Variants in LRRC9 observed in about 807,000 individuals in gnomAD.
LRRC9 encodes the protein leucine rich repeat containing 9, also known as leucine-rich repeat-containing protein 9.
In LRRC9, 122 loss-of-function variants were observed where a neutral mutation model predicts 63.2. That is an observed-to-expected ratio of 1.93 (90% CI 1.67 to 2.24). The LOEUF is 2.24. LRRC9 is among the 30% of genes most tolerant of loss of function. The pLI is 0.00. For synonymous variants in LRRC9, 366 were observed against 213.1 expected, an observed-to-expected ratio of 1.72 and a Z score of -6.25; for missense variants, 1,071 against 627.7, an observed-to-expected ratio of 1.71 and a Z score of -7.55.
At chr14:60,002,802 C>G (rs1000287838) in intron 20 of LRRC9, among the ~76,000 whole-genome samples, 3 of 152,036 alleles carry the variant, frequency 2.0e-5, no homozygotes, top group Non-Finnish European at 4.4e-5. Flanking sequence ...ATTCTAATTC[C>G]GTATTCTGAT....
At chr14:59,995,725 GT>G (rs34727045) in intron 17 of LRRC9, among the ~76,000 whole-genome samples, 5 of 148,750 alleles carry the variant, frequency 3.4e-5, no homozygotes, top group African/African-American at 9.8e-5. Context: ...AAGAAGACAG[GT>G]TTTTTTTTTG....
At position 60,027,483 on chromosome 14, in the gene LRRC9, T is replaced by G. The variant is rs758498741; in HGVS notation, c.3704-401T>G. Among the ~76,000 whole-genome samples, 1 of 152,018 alleles carries G rather than the reference T, an allele frequency of 6.6e-6. No individual in the cohort carries two copies. The highest frequency in any genetic ancestry group is 2.1e-4 in the South Asian group (1 of 4,818). On this transcript the variant is annotated intron_variant, in intron 27 of 31. Coordinates refer to ENST00000445360, the Ensembl canonical transcript of LRRC9. The surrounding 1 kb of genome is among the most constrained non-coding windows in gnomAD (Gnocchi z 4.0). Reference sequence around the variant, plus strand: ...CTTCTAACATAATACAACAAATTAGTCTATTTTAAGAAATAATTAAATATA... The same window carrying G: ...CTTCTAACATAATACAACAAATTAGGCTATTTTAAGAAATAATTAAATATA...
chr14:59,981,704 AT>A (rs1886947405), intron 15 of LRRC9, 143 bp from the exon 16 acceptor site: 5 of 600,414 alleles, frequency 8.3e-6, no homozygotes, highest in Middle Eastern at 8.7e-4. Context: ...ATCTGCTCTC[AT>A]AGATGTCCTA....
chr14:59,923,421 T>C lies in LRRC9; in HGVS notation c.-34+3538T>C, dbSNP rs929068221. Among the ~76,000 whole-genome samples, 15 of 152,210 alleles carry C rather than the reference T, an allele frequency of 9.9e-5. No homozygotes were observed. The highest frequency in any genetic ancestry group is 3.9e-4 in the Admixed American group (6 of 15,286). ...AAGTAGTCTCAAGTAAATGGAGAGC[T>C]ATCCCTTGTTCTTGAGGATGACTCA... is the stretch of plus-strand genomic sequence containing the variant. On this transcript the variant is annotated intron_variant, in intron 1 of 31. Coordinates refer to ENST00000445360, the Ensembl canonical transcript of LRRC9. The surrounding 1 kb of genome is among the most constrained non-coding windows in gnomAD (Gnocchi z 4.2).
chr14:60,064,297 T>C (rs528858189), downstream of LRRC9, among the ~76,000 whole-genome samples: 4 of 152,336 alleles, frequency 2.6e-5, no homozygotes, highest in Admixed American at 2.6e-4. Flanking sequence ...AATCATATTT[T>C]GATATAAATG....
In LRRC9 at chr14:59,928,181, A is replaced by G; in HGVS notation, c.49-87A>G. Reference sequence around the variant, plus strand: ...GAGATTATAAAAATGGCATCAGTGCAGTTGACAATTTATAATTTCTAATGG... The same window carrying G: ...GAGATTATAAAAATGGCATCAGTGCGGTTGACAATTTATAATTTCTAATGG... On this transcript the variant is annotated intron_variant, in intron 2 of 31. Transcript: ENST00000445360. 5.3e-6 allele frequency: 3 copies of G among 568,760 alleles called. No individual in the cohort carries two copies. In the South Asian group the frequency reaches 7.5e-5, roughly 14 times the overall value. 35.2% of individuals were successfully genotyped at this position (568,760 alleles called of 1,614,324 possible).
intron 23 of LRRC9, among the ~76,000 whole-genome samples, chr14:60,014,568 C>T (rs538359677): frequency 6.6e-6 from 1 of 152,146 alleles, no homozygotes; most frequent in Non-Finnish European, 1.5e-5. Flanking sequence ...TTGAAAATGT[C>T]GTGCCACATT....
chr14:59,939,020 T>TATACATATACATATATACACATATATAC (rs34351201), intron 7 of LRRC9, among the ~76,000 whole-genome samples: 1 of 146,646 alleles, frequency 6.8e-6, no homozygotes, highest in Non-Finnish European at 1.5e-5. Context: ...TACACATATA[T>TATACATATACATATATACACATATATAC]ATATACATAT....
intron 8 of LRRC9, among the ~76,000 whole-genome samples, chr14:59,949,213 C>T (rs1227534768): frequency 4.6e-5 from 7 of 151,732 alleles, no homozygotes; most frequent in Middle Eastern, 3.4e-3. Context: ...TTCAGAGATT[C>T]AACTTCTTCC....
intron 29 of LRRC9, among the ~76,000 whole-genome samples, chr14:60,046,133 G>C (rs973384660): frequency 6.6e-6 from 1 of 152,054 alleles, no homozygotes; most frequent in Non-Finnish European, 1.5e-5. Context: ...CTTTTTTCTT[G>C]TAAATTTGTT....
chr14:59,985,237 C>A lies in LRRC9; in HGVS notation c.2211+13C>A. ...TGTATACCACTTGGTAAGAATTGTT[C>A]CTTTGAATCTAAAAAAGTGAAACTC... On this transcript the variant is annotated intron_variant, in intron 17 of 31. Transcript: ENST00000445360. 3 of 614,076 alleles carry A rather than the reference C, an allele frequency of 4.9e-6. No homozygotes were observed. The highest frequency in any genetic ancestry group is 3.8e-5 in the South Asian group (2 of 53,170). The allele number at this position is 614,076 out of a possible 1,614,324, so 38.0% of individuals were successfully genotyped here. A position where few individuals can be genotyped will look rare whatever the true frequency, so the allele number is the denominator to read the frequency against.
In LRRC9 at chr14:59,954,802, T is replaced by C. The variant is rs565059440; in HGVS notation, c.883-5016T>C. On this transcript the variant is annotated intron_variant, in intron 8 of 31. Coordinates refer to ENST00000445360, the Ensembl canonical transcript of LRRC9. Reference sequence around the variant, plus strand: ...TGGGTTTGTCATAAATAGCTCTTATTATTTTGAGATATGTTCCAGCAATAC... The same window carrying C: ...TGGGTTTGTCATAAATAGCTCTTATCATTTTGAGATATGTTCCAGCAATAC... 1.0e-3 allele frequency among the ~76,000 whole-genome samples: 159 copies of C among 152,336 alleles called. 1 individual carries two copies. The highest frequency in any genetic ancestry group is 3.7e-3 in the African/African-American group (153 of 41,576).
intron 29 of LRRC9, among the ~76,000 whole-genome samples, chr14:60,050,968 G>C (rs1893845859): frequency 1.3e-5 from 2 of 152,196 alleles, no homozygotes. Context: ...CTCCATCCCA[G>C]GGTGGTACTG....
rs1470430604 is a variant in LRRC9, at chr14:60,028,102, G to A, written c.3921+1G>A. ...CTTCCTAGGATATAATAAAATCCAG[G>A]TAACATTATTATTTTTTTATTATGG... On this transcript the variant is annotated splice_donor_variant, in intron 28 of 31. Coordinates refer to ENST00000445360, the Ensembl canonical transcript of LRRC9. LOFTEE classifies it high-confidence loss of function. 4 of 687,112 alleles carry A rather than the reference G, an allele frequency of 5.8e-6. No individual in the cohort carries two copies. Among genetic ancestry groups the A allele is most frequent in the Non-Finnish European group, 7.9e-6 (3 of 379,824 alleles). 42.6% of individuals were successfully genotyped at this position (687,112 alleles called of 1,614,324 possible).
chr14:59,939,082 CACATATATACAT>C (rs1265668948), intron 7 of LRRC9, among the ~76,000 whole-genome samples: 105 of 147,122 alleles, frequency 7.1e-4, no homozygotes, highest in South Asian at 2.1e-3. Flanking sequence ...CACATATATA[CACATATATACAT>C]ATATATACAC....
chr14:59,945,806 G>C lies in LRRC9; in HGVS notation c.882+1062G>C, dbSNP rs574889928. 2.0e-5 allele frequency among the ~76,000 whole-genome samples: 3 copies of C among 151,988 alleles called. No individual in the cohort carries two copies. In the South Asian group the frequency reaches 6.2e-4, roughly 32 times the overall value. The stretch of plus-strand genomic sequence containing the variant: ...GTACATAAACTAGAATTTTACAAGA[G>C]TAGAAATAAAAATGACTAATAAGCA... On this transcript the variant is annotated intron_variant, in intron 8 of 31. Coordinates refer to ENST00000445360, the Ensembl canonical transcript of LRRC9.
chr14:59,936,731 TGCATA>T lies in LRRC9; in HGVS notation c.544-1657_544-1653del, dbSNP rs1890168950. 6.6e-6 allele frequency among the ~76,000 whole-genome samples: 1 copy of T among 152,198 alleles called. No homozygotes were observed. The highest frequency in any genetic ancestry group is 2.4e-5 in the African/African-American group (1 of 41,458). On this transcript the variant is annotated intron_variant, in intron 6 of 31. Coordinates refer to ENST00000445360, the Ensembl canonical transcript of LRRC9. This position sits in a 1 kb window ranked among gnomAD's most constrained non-coding sequence, Gnocchi z 4.2. ...AGCAACTCTGCTTAGTCCTCCTCCCTGCATAGGCTCAGCCCAAGCCTCAGGTCAGA... is the reference window on the plus strand; with the variant it reads ...AGCAACTCTGCTTAGTCCTCCTCCCTGGCTCAGCCCAAGCCTCAGGTCAGA...
At chr14:59,948,182 C>A (rs1252307676) in intron 8 of LRRC9, among the ~76,000 whole-genome samples, 2 of 97,744 alleles carry the variant, frequency 2.0e-5, no homozygotes, top group African/African-American at 4.5e-5. Flanking sequence ...CTTTTATTTC[C>A]TTGAGCAGTG....
At chr14:60,006,269 G>A (rs1156301070) in intron 21 of LRRC9, 128 bp from the exon 22 acceptor site, 1 of 572,768 alleles carries the variant, frequency 1.7e-6, no homozygotes, top group Non-Finnish European at 3.1e-6. Flanking sequence ...ATGATGGTTA[G>A]TATTACAGAA....
Sources: gnomAD v4.1 joint callset for allele counts (sites outside exome capture counted in the v4.1 genomes callset) on GRCh38, gnomAD v4.1.1 for gene constraint, Gnocchi (gnomAD v3.1) non-coding constraint, MANE v1.5 for transcripts, NCBI Gene and HGNC (gene_info 2026-07-23, HGNC 2026-07-21) for gene names.